Variants in CACNB4 observed in about 807,000 individuals in gnomAD.
CACNB4 encodes voltage-dependent L-type calcium channel subunit beta-4.
A neutral mutation model predicts 71.2 loss-of-function variants in CACNB4; 32 were observed. That is an observed-to-expected ratio of 0.45 (90% CI 0.34 to 0.60). The LOEUF is 0.60. Among genes scored for constraint, CACNB4 ranks in the 20% least tolerant of loss-of-function variants. The probability of loss-of-function intolerance (pLI) is 0.01; values close to 1 mark genes in which losing one functional copy is unlikely to be tolerated. For synonymous variants in CACNB4, 231 were observed against 236.9 expected (o/e 0.97, Z 0.23); for missense variants, 464 against 647.9 (o/e 0.72, Z 3.08).
chr2:151,853,010 C>T (rs1387340860), intron 12 of CACNB4: 1 of 155,544 alleles, frequency 6.4e-6, no homozygotes, highest in Non-Finnish European at 1.4e-5. Context: ...TCTACTATAA[C>T]CACAGGGCCT....
At chr2:151,959,577 C>T (rs917250694) in intron 2 of CACNB4, among the ~76,000 whole-genome samples, 2 of 152,178 alleles carry the variant, frequency 1.3e-5, no homozygotes, top group Non-Finnish European at 2.9e-5. Flanking sequence ...ACAGCCAGAA[C>T]ATATTTTAGT....
chr2:152,098,209 G>A lies in CACNB4; in HGVS notation c.147+121C>T. On this transcript the variant is annotated intron_variant, in intron 2 of 13. Coordinates refer to ENST00000539935, the MANE Select transcript of CACNB4 (RefSeq NM_000726.5). The surrounding 1 kb of genome is among the most constrained non-coding windows in gnomAD (Gnocchi z 5.3). ...GAGCCCGAGCACCGGCCGAGGCCGG[G>A]AAGAGACGCGCGCGGGCTTGACCCG... The A allele has an allele frequency of 5.5e-6, 4 of 721,814 alleles. No homozygotes were observed. Among genetic ancestry groups the A allele is most frequent in the African/African-American group, 1.8e-5 (1 of 57,110 alleles). The allele number at this position is 721,814 out of a possible 1,614,324, so 44.7% of individuals were successfully genotyped here. A position where few individuals can be genotyped will look rare whatever the true frequency, so the allele number is the denominator to read the frequency against.
chr2:151,977,049 C>G (rs940914880), intron 2 of CACNB4, among the ~76,000 whole-genome samples: 2 of 135,818 alleles, frequency 1.5e-5, no homozygotes, highest in African/African-American at 3.9e-5. Context: ...GCCTACTTCT[C>G]CCACCTGAGG....
intron 2 of CACNB4, among the ~76,000 whole-genome samples, chr2:152,020,798 G>C (rs1186125070): frequency 6.6e-6 from 1 of 152,146 alleles, no homozygotes; most frequent in Non-Finnish European, 1.5e-5. Flanking sequence ...GCATTCCCTT[G>C]TCTGAAACAC....
chr2:151,882,820 G>A (rs1188277354), intron 3 of CACNB4, among the ~76,000 whole-genome samples: 2 of 152,200 alleles, frequency 1.3e-5, no homozygotes, highest in African/African-American at 4.8e-5. Flanking sequence ...TGAACTTGAG[G>A]TGGGATACTG....
chr2:152,043,920 A>G (rs1168160264), intron 2 of CACNB4, among the ~76,000 whole-genome samples: 3 of 152,152 alleles, frequency 2.0e-5, no homozygotes, highest in Non-Finnish European at 4.4e-5. Flanking sequence ...AAAAAAACCA[A>G]AAGAGCCGGG....
intron 2 of CACNB4, among the ~76,000 whole-genome samples, chr2:152,003,824 G>T (rs959520624): frequency 2.0e-5 from 3 of 150,156 alleles, no homozygotes; most frequent in Non-Finnish European, 3.0e-5. Flanking sequence ...ATTTTAAAGA[G>T]AAATTAATAA....
At chr2:151,899,698 G>T (rs1438962009) in intron 2 of CACNB4, among the ~76,000 whole-genome samples, 1 of 152,080 alleles carries the variant, frequency 6.6e-6, no homozygotes, top group Non-Finnish European at 1.5e-5. Flanking sequence ...GCGGGTAAGT[G>T]GACTTCCATA....
intron 2 of CACNB4, among the ~76,000 whole-genome samples, chr2:151,976,661 G>A: frequency 6.6e-6 from 1 of 152,112 alleles, no homozygotes; most frequent in East Asian, 1.9e-4. Flanking sequence ...AGTTCCAGAG[G>A]AACCCCAGTG....
intron 2 of CACNB4, among the ~76,000 whole-genome samples, chr2:152,059,248 A>G (rs769856393): frequency 1.3e-5 from 2 of 152,224 alleles, no homozygotes; most frequent in African/African-American, 4.8e-5. Context: ...ACCATTCTCC[A>G]GACCCCAGAA....
At chr2:152,066,202 T>G (rs1215050606) in intron 2 of CACNB4, among the ~76,000 whole-genome samples, 1 of 152,062 alleles carries the variant, frequency 6.6e-6, no homozygotes, top group East Asian at 1.9e-4. Context: ...TGCCTCCCTC[T>G]CCCCCTTCCA....
intron 2 of CACNB4, among the ~76,000 whole-genome samples, chr2:151,951,760 A>G (rs559403963): frequency 2.0e-3 from 298 of 152,334 alleles, no homozygotes; most frequent in Middle Eastern, 3.4e-3. Flanking sequence ...CTAACATAAA[A>G]GACTAACGAG....
chr2:151,954,394 T>C (rs895752096), intron 2 of CACNB4, among the ~76,000 whole-genome samples: 1 of 152,268 alleles, frequency 6.6e-6, no homozygotes, highest in South Asian at 2.1e-4. Context: ...AATTCTGTCA[T>C]CCATGGGGAA....
intron 2 of CACNB4, among the ~76,000 whole-genome samples, chr2:152,026,351 C>T (rs1463161643): frequency 6.6e-6 from 1 of 151,158 alleles, no homozygotes; most frequent in Admixed American, 6.7e-5. Context: ...TTAATAAAAA[C>T]CCTCTCTGGG....
chr2:152,079,773 G>A (rs60073145), intron 2 of CACNB4, among the ~76,000 whole-genome samples: 1,924 of 152,154 alleles, frequency 0.013, 39 homozygotes, highest in African/African-American at 0.044. Flanking sequence ...GTAACAGAGC[G>A]ATATCCTGTC....
intron 3 of CACNB4, 174 bp downstream of exon 3, chr2:151,883,077 T>G: frequency 3.2e-6 from 2 of 620,648 alleles, no homozygotes; most frequent in Non-Finnish European, 5.6e-6. Context: ...AATGCCTCTT[T>G]GGAGATGTTA....
At chr2:152,084,085 G>C (rs529712029) in intron 2 of CACNB4, among the ~76,000 whole-genome samples, 1 of 152,142 alleles carries the variant, frequency 6.6e-6, no homozygotes, top group Non-Finnish European at 1.5e-5. Flanking sequence ...ACATCAGTTC[G>C]TGTGGGTCGA....
chr2:152,076,136 CTTTTTTTTT>C (rs35400714), intron 2 of CACNB4, among the ~76,000 whole-genome samples: 1 of 71,202 alleles, frequency 1.4e-5, no homozygotes, highest in Non-Finnish European at 2.5e-5. Context: ...CACCTCTTTT[CTTTTTTTTT>C]TTTTTTTTTT....
At chr2:152,045,674 A>C (rs1280196146) in intron 2 of CACNB4, among the ~76,000 whole-genome samples, 2 of 152,202 alleles carry the variant, frequency 1.3e-5, no homozygotes, top group African/African-American at 4.8e-5. Flanking sequence ...TCAAAGTCTT[A>C]TAAGTAGCCT....
Sources: allele counts gnomAD v4.1 joint callset (sites outside exome capture counted in the v4.1 genomes callset), GRCh38; gene constraint gnomAD v4.1.1; non-coding constraint Gnocchi (gnomAD v3.1); transcripts MANE v1.5; gene names NCBI Gene and HGNC (gene_info 2026-07-23, HGNC 2026-07-21).